Variants in ZNF33B observed in about 807,000 individuals in gnomAD.
ZNF33B encodes zinc finger protein 33B.
ZNF33B carries 29 observed loss-of-function variants against 45.8 expected under a neutral mutation model. The ratio of observed to expected loss-of-function variants is 0.63; its 90% CI spans 0.47 to 0.86. The LOEUF (loss-of-function observed/expected upper bound fraction) is 0.86, where lower values mean the gene tolerates loss of function less well. Among genes scored for constraint, ZNF33B ranks in the 40% least tolerant of loss-of-function variants. The pLI, the probability that ZNF33B is intolerant of heterozygous loss-of-function variation, is 0.00. For missense variants in ZNF33B, 831 were observed against 909.9 expected (o/e 0.91, Z 1.12); for synonymous variants, 305 against 307.8 (o/e 0.99, Z 0.10).
chr10:42,599,102 T>C (rs919003806), intron 4 of ZNF33B, among the ~76,000 whole-genome samples: 2 of 152,210 alleles, frequency 1.3e-5, no homozygotes, highest in African/African-American at 4.8e-5. Context: ...ATCAAAATCG[T>C]CAAACTGATA....
chr10:42,611,564 C>T (rs1286892308), intron 4 of ZNF33B, among the ~76,000 whole-genome samples: 3 of 151,998 alleles, frequency 2.0e-5, no homozygotes, highest in Non-Finnish European at 4.4e-5. Flanking sequence ...GATAAAGTAC[C>T]AAAAATACAA....
At chr10:42,630,192 C>G (rs1838987255) in intron 4 of ZNF33B, among the ~76,000 whole-genome samples, 1 of 152,042 alleles carries the variant, frequency 6.6e-6, no homozygotes, top group African/African-American at 2.4e-5. Flanking sequence ...TCTTAGCTTC[C>G]CTATCTAATA....
chr10:42,627,604 T>A (rs1838866979), intron 4 of ZNF33B, among the ~76,000 whole-genome samples: 1 of 152,198 alleles, frequency 6.6e-6, no homozygotes, highest in Non-Finnish European at 1.5e-5. Flanking sequence ...TTTCTTAAGG[T>A]AGAAAGTCAA....
At chr10:42,629,662 T>C (rs1838964741) in intron 4 of ZNF33B, among the ~76,000 whole-genome samples, 1 of 152,230 alleles carries the variant, frequency 6.6e-6, no homozygotes, top group African/African-American at 2.4e-5. Context: ...TTAGTGTACT[T>C]TGATTATTTA....
At chr10:42,609,312 G>A (rs1838004462) in intron 4 of ZNF33B, among the ~76,000 whole-genome samples, 1 of 152,088 alleles carries the variant, frequency 6.6e-6, no homozygotes, top group African/African-American at 2.4e-5. Flanking sequence ...CCAGCTACTT[G>A]GGAGGCTGAG....
At chr10:42,624,896 C>T (rs921450780) in intron 4 of ZNF33B, among the ~76,000 whole-genome samples, 11 of 152,182 alleles carry the variant, frequency 7.2e-5, no homozygotes, top group African/African-American at 2.6e-4. Flanking sequence ...CAGTTGACCT[C>T]AGGTAACAGA....
At chr10:42,633,432 A>G (rs209390) in intron 2 of ZNF33B, among the ~76,000 whole-genome samples, 118,576 of 152,084 alleles carry the variant, frequency 0.78, 46,976 homozygotes, top group East Asian at 0.96. Flanking sequence ...TATTGAGAAC[A>G]GCAAAGGACA....
intron 4 of ZNF33B, among the ~76,000 whole-genome samples, chr10:42,622,202 G>C (rs929380540): frequency 1.2e-4 from 18 of 152,052 alleles, no homozygotes; most frequent in African/African-American, 4.3e-4. Context: ...ATAAATAAAG[G>C]AAACAGTATC....
intron 4 of ZNF33B, among the ~76,000 whole-genome samples, chr10:42,603,881 A>G (rs1019644458): frequency 6.6e-6 from 1 of 152,222 alleles, no homozygotes; most frequent in Admixed American, 6.5e-5. Flanking sequence ...ATCAGTGAGA[A>G]CCCAATGGGA....
chr10:42,633,768 G>A (rs112394362), intron 2 of ZNF33B, among the ~76,000 whole-genome samples: 506 of 152,268 alleles, frequency 3.3e-3, no homozygotes, highest in African/African-American at 0.012. Flanking sequence ...AGGAGTTCGA[G>A]ACCAGCCTGA....
rs186662330 is a variant in ZNF33B at position 42,633,580 on chromosome 10, T to C, written c.10-1141A>G. Reference sequence around the variant, plus strand: ...TCCTCTGGCTATCCCCATGAACAGCTGCTCAGATACTAGGGCCACAATGTA... The same window carrying C: ...TCCTCTGGCTATCCCCATGAACAGCCGCTCAGATACTAGGGCCACAATGTA... On this transcript the variant is annotated intron_variant, in intron 2 of 4. Coordinates refer to ENST00000359467, the MANE Select transcript of ZNF33B (RefSeq NM_006955.3). Among the ~76,000 whole-genome samples the C allele has an allele frequency of 1.3e-4, 20 of 152,320 alleles. No homozygotes were observed. In the East Asian group the frequency reaches 3.7e-3, roughly 28 times the overall value.
At chr10:42,626,227 TC>T (rs1485521286) in intron 4 of ZNF33B, among the ~76,000 whole-genome samples, 1 of 152,236 alleles carries the variant, frequency 6.6e-6, no homozygotes, top group Non-Finnish European at 1.5e-5. Context: ...CTCAAGTAAA[TC>T]CCACTTGTTT....
chr10:42,598,707 T>C (rs1003947571), intron 4 of ZNF33B, among the ~76,000 whole-genome samples: 1 of 152,236 alleles, frequency 6.6e-6, no homozygotes, highest in African/African-American at 2.4e-5. Flanking sequence ...TTACACTGAC[T>C]GCTTTTCAAA....
At chr10:42,602,125 T>C (rs780724855) in intron 4 of ZNF33B, among the ~76,000 whole-genome samples, 2 of 151,880 alleles carry the variant, frequency 1.3e-5, no homozygotes, top group Non-Finnish European at 2.9e-5. Context: ...TGAGGTTTCA[T>C]CATGTTGCCC....
intron 4 of ZNF33B, among the ~76,000 whole-genome samples, chr10:42,598,610 T>G (rs930266223): frequency 6.6e-6 from 1 of 152,190 alleles, no homozygotes; most frequent in Non-Finnish European, 1.5e-5. Flanking sequence ...GGGCATTAAG[T>G]GAAGTACAGG....
At chr10:42,618,373 C>G (rs1838421824) in intron 4 of ZNF33B, among the ~76,000 whole-genome samples, 1 of 152,152 alleles carries the variant, frequency 6.6e-6, no homozygotes, top group Non-Finnish European at 1.5e-5. Context: ...CGGGTTTGGG[C>G]TATGACCCAT....
At chr10:42,625,531 G>A (rs1225488414) in intron 4 of ZNF33B, among the ~76,000 whole-genome samples, 5 of 152,164 alleles carry the variant, frequency 3.3e-5, no homozygotes, top group African/African-American at 9.6e-5. Context: ...CCAGGCTGGC[G>A]TGCAATGGTG....
intron 3 of ZNF33B, 104 bp downstream of exon 3, chr10:42,632,191 T>TA: frequency 6.5e-7 from 1 of 1,530,960 alleles, no homozygotes; most frequent in African/African-American, 1.4e-5. Flanking sequence ...TCCTGAAGCC[T>TA]AACCTAAGCC....
At chr10:42,629,410 A>G (rs1411762270) in intron 4 of ZNF33B, among the ~76,000 whole-genome samples, 1 of 152,204 alleles carries the variant, frequency 6.6e-6, no homozygotes, top group East Asian at 1.9e-4. Flanking sequence ...TACAGTCAAA[A>G]ATAATTTAAT....
Sources: gnomAD v4.1 joint callset for allele counts (sites outside exome capture counted in the v4.1 genomes callset) on GRCh38, gnomAD v4.1.1 for gene constraint, MANE v1.5 for transcripts, NCBI Gene and HGNC (gene_info 2026-07-23, HGNC 2026-07-21) for gene names.